The following RAB3C variants were observed in gnomAD, a reference collection of about 807,000 sequenced individuals.
The protein encoded by RAB3C is RAB3C, member RAS oncogene family, also known as ras-related protein Rab-3C.
RAB3C carries 17 observed loss-of-function variants against 26.4 expected under a neutral mutation model. That is an observed-to-expected ratio of 0.64 (90% confidence interval 0.44 to 0.97). The LOEUF (loss-of-function observed/expected upper bound fraction) is 0.97. RAB3C is among the 50% of genes least tolerant of loss of function. The pLI, the probability that RAB3C is intolerant of heterozygous loss-of-function variation, is 0.00. For synonymous variants in RAB3C, 91 were observed against 95.9 expected (o/e 0.95, Z 0.30); for missense variants, 242 against 281.9 (o/e 0.86, Z 1.01).
chr5:58,721,928 G>A (rs1008347525), intron 2 of RAB3C, among the ~76,000 whole-genome samples: 63 of 150,952 alleles, frequency 4.2e-4, no homozygotes, highest in African/African-American at 1.5e-3. Context: ...CTATCTGAAA[G>A]CTTCTATTTT....
At chr5:58,591,123 A>G (rs979994928) in intron 1 of RAB3C, among the ~76,000 whole-genome samples, 2 of 152,138 alleles carry the variant, frequency 1.3e-5, no homozygotes, top group Non-Finnish European at 2.9e-5. Flanking sequence ...ATTCTTTAAG[A>G]TTTTAATTTT....
chr5:58,726,203 C>A lies in RAB3C; in HGVS notation c.371+83C>A, dbSNP rs539436565. On this transcript the variant is annotated intron_variant, in intron 3 of 4. Transcript: ENST00000282878. ...CTTTCTTCCCAAAGCAGTGACCATA[C>A]CGCAATGTAATATATGTGTTTACAT... The A allele has an allele frequency of 3.0e-5, 20 of 677,256 alleles. No individual in the cohort carries two copies. In the South Asian group the frequency reaches 4.3e-4, roughly 14 times the overall value. 42.0% of individuals were successfully genotyped at this position (677,256 alleles called of 1,614,324 possible). A position where few individuals can be genotyped will look rare whatever the true frequency, so the allele number is the denominator to read the frequency against.
intron 3 of RAB3C, among the ~76,000 whole-genome samples, chr5:58,808,986 G>A (rs1010686991): frequency 1.3e-5 from 2 of 152,134 alleles, no homozygotes; most frequent in Non-Finnish European, 2.9e-5. Flanking sequence ...TATCTCCAGT[G>A]CATTTGCATT....
At chr5:58,683,003 T>C (rs1748378465) in intron 2 of RAB3C, among the ~76,000 whole-genome samples, 1 of 152,216 alleles carries the variant, frequency 6.6e-6, no homozygotes, top group South Asian at 2.1e-4. Flanking sequence ...TTGCCTGAAG[T>C]GTATATTTTT....
chr5:58,587,252 C>T (rs930642931), intron 1 of RAB3C, among the ~76,000 whole-genome samples: 1 of 152,140 alleles, frequency 6.6e-6, no homozygotes, highest in Admixed American at 6.6e-5. Context: ...TTGGCAAGTC[C>T]TTTCTTCACC....
chr5:58,829,507 C>G (rs568257558), intron 4 of RAB3C, among the ~76,000 whole-genome samples: 4 of 152,194 alleles, frequency 2.6e-5, no homozygotes, highest in South Asian at 4.2e-4. Context: ...TTATTATAAG[C>G]TCGGAAAGGG....
chr5:58,769,328 TAA>T (rs1741978638), intron 3 of RAB3C, among the ~76,000 whole-genome samples: 1 of 152,024 alleles, frequency 6.6e-6, no homozygotes. Context: ...GAGAGAGAGT[TAA>T]AGATAGGATG....
intron 3 of RAB3C, among the ~76,000 whole-genome samples, chr5:58,816,630 T>A (rs960988281): frequency 6.6e-6 from 1 of 152,190 alleles, no homozygotes; most frequent in African/African-American, 2.4e-5. Flanking sequence ...GTATTTGTAA[T>A]TTGCGTTTTA....
chr5:58,797,614 G>A lies in RAB3C; in HGVS notation c.372-27424G>A, dbSNP rs57121721. The stretch of plus-strand genomic sequence containing the variant: ...TGGTGGAGATGTCTGGACCTTGTGA[G>A]CCTATAGCAGGGACCAGCAAAGAAG... On this transcript the variant is annotated intron_variant, in intron 3 of 4. Coordinates refer to ENST00000282878, the MANE Select transcript of RAB3C (RefSeq NM_138453.4). Among the ~76,000 whole-genome samples the A allele has an allele frequency of 8.8e-3, 1,337 of 151,966 alleles. 21 individuals are homozygous for A. The highest frequency in any genetic ancestry group is 0.03 in the African/African-American group (1,261 of 41,412).
rs748556885 is a variant in RAB3C at position 58,851,299 on chromosome 5, A to G, written c.632A>G (p.Asn211Ser). 6 of 1,612,564 alleles carry G rather than the reference A, an allele frequency of 3.7e-6. No individual in the cohort carries two copies. The Admixed American group carries it at 1.0e-4, about 27-fold the overall frequency. ...TDPAITAAKQ[N>S]TRLKETPPPP... ...CCTGCCATCACTGCTGCAAAGCAGA[A>G]CACGAGACTCAAGGAAACTCCTCCT... The change falls in exon 5 of 5, where the codon AAC becomes AGC. Residue 211 changes from asparagine (N) to serine (S), a missense_variant. Coordinates refer to ENST00000282878, the MANE Select transcript of RAB3C (RefSeq NM_138453.4).
At chr5:58,710,582 G>A (rs1333416986) in intron 2 of RAB3C, among the ~76,000 whole-genome samples, 1 of 149,960 alleles carries the variant, frequency 6.7e-6, no homozygotes, top group East Asian at 2.0e-4. Context: ...CTGGGCAAAA[G>A]AGCAAGACTC....
In RAB3C at chr5:58,654,579, G is replaced by A. The variant is rs182441468; in HGVS notation, c.252+36709G>A. Among the ~76,000 whole-genome samples the A allele has an allele frequency of 5.5e-3, 831 of 152,122 alleles. 7 individuals are homozygous for A. Among genetic ancestry groups the A allele is most frequent in the South Asian group, 0.017 (82 of 4,812 alleles). On this transcript the variant is annotated intron_variant, in intron 2 of 4. Coordinates refer to ENST00000282878, the MANE Select transcript of RAB3C (RefSeq NM_138453.4). Reference sequence around the variant, plus strand: ...TTAAATGAAATCTTCATATTTAGATGAGAAAAATTTCAGGAAATTCCCATT... The same window carrying A: ...TTAAATGAAATCTTCATATTTAGATAAGAAAAATTTCAGGAAATTCCCATT...
intron 3 of RAB3C, among the ~76,000 whole-genome samples, chr5:58,738,126 C>G (rs984007658): frequency 1.3e-5 from 2 of 152,138 alleles, no homozygotes; most frequent in African/African-American, 2.4e-5. Context: ...TCACGGCCTC[C>G]GTTCAAAGTT....
chr5:58,628,563 C>T (rs1250915846), intron 2 of RAB3C, among the ~76,000 whole-genome samples: 2 of 152,194 alleles, frequency 1.3e-5, no homozygotes, highest in Non-Finnish European at 2.9e-5. Flanking sequence ...CCTTGGACCT[C>T]TCATTCATCC....
At chr5:58,816,515 A>G (rs1484996157) in intron 3 of RAB3C, among the ~76,000 whole-genome samples, 1 of 152,168 alleles carries the variant, frequency 6.6e-6, no homozygotes, top group African/African-American at 2.4e-5. Context: ...TGTAAAGCAA[A>G]GAGATGCAGA....
At chr5:58,599,743 A>G (rs1217620443) in intron 1 of RAB3C, among the ~76,000 whole-genome samples, 1 of 149,202 alleles carries the variant, frequency 6.7e-6, no homozygotes, top group African/African-American at 2.5e-5. Context: ...TAGATTCTGA[A>G]TATTAGTCCT....
intron 1 of RAB3C, among the ~76,000 whole-genome samples, chr5:58,585,552 T>C (rs1745993133): frequency 6.6e-6 from 1 of 152,070 alleles, no homozygotes. Context: ...AATATTTAGT[T>C]CATTTGTTGA....
intron 2 of RAB3C, among the ~76,000 whole-genome samples, chr5:58,681,076 A>C (rs951461022): frequency 2.0e-5 from 3 of 152,206 alleles, no homozygotes; most frequent in African/African-American, 7.2e-5. Flanking sequence ...GATTATGTTC[A>C]TGAAGAAAAT....
chr5:58,821,669 C>T lies in RAB3C; in HGVS notation c.372-3369C>T, dbSNP rs562265309. Among the ~76,000 whole-genome samples, 7 of 152,334 alleles carry T rather than the reference C, an allele frequency of 4.6e-5. No homozygotes were observed. In the South Asian group the frequency reaches 1.5e-3, roughly 32 times the overall value. On this transcript the variant is annotated intron_variant, in intron 3 of 4. Transcript: ENST00000282878. The stretch of plus-strand genomic sequence containing the variant: ...ATTGTTCTGATAAAATATGCTATGA[C>T]TCTGAGATGTCCAGGTGGAATCAAG...
Sources: allele counts gnomAD v4.1 joint callset (sites outside exome capture counted in the v4.1 genomes callset), GRCh38; gene constraint gnomAD v4.1.1; transcripts MANE v1.5; gene names NCBI Gene and HGNC (gene_info 2026-07-23, HGNC 2026-07-21).